SAMD12: variants seen among roughly 807,000 people sequenced by gnomAD.
SAMD12 encodes the protein sterile alpha motif domain-containing protein 12.
SAMD12 carries 9 observed loss-of-function variants against 15.0 expected under a neutral mutation model. The observed-to-expected ratio is 0.60, with a 90% confidence interval of 0.36 to 1.05. The LOEUF (loss-of-function observed/expected upper bound fraction) is 1.05. Ranked by LOEUF, SAMD12 falls within the 50% of genes least tolerant of loss-of-function variation. SAMD12 has a pLI of 0.01. For synonymous variants in SAMD12, 86 were observed against 90.1 expected (o/e 0.96, Z 0.25); for missense variants, 230 against 234.2 (o/e 0.98, Z 0.12).
At chr8:118,546,935 T>C (rs1482423535) in intron 2 of SAMD12, among the ~76,000 whole-genome samples, 3 of 152,142 alleles carry the variant, frequency 2.0e-5, no homozygotes, top group Non-Finnish European at 4.4e-5. Flanking sequence ...GATACAAAGA[T>C]TTCCCTCATC....
chr8:118,362,311 T>C (rs552687958), intron 4 of SAMD12, among the ~76,000 whole-genome samples: 34 of 152,310 alleles, frequency 2.2e-4, no homozygotes, highest in Non-Finnish European at 4.4e-4. Flanking sequence ...ATCCAAGTGT[T>C]AGGAGAGAAT....
intron 2 of SAMD12, among the ~76,000 whole-genome samples, chr8:118,494,137 C>T (rs1824531514): frequency 6.6e-6 from 1 of 152,086 alleles, no homozygotes; most frequent in Admixed American, 6.6e-5. Context: ...TCTGAAGATG[C>T]CATGTTGCTG....
chr8:118,568,721 A>C (rs1643551065), intron 2 of SAMD12, among the ~76,000 whole-genome samples: 1 of 152,222 alleles, frequency 6.6e-6, no homozygotes, highest in African/African-American at 2.4e-5. Context: ...TATTGACTTT[A>C]GTCAGTTATT....
intron 4 of SAMD12, among the ~76,000 whole-genome samples, chr8:118,292,067 C>T (rs1280345543): frequency 1.3e-5 from 2 of 151,306 alleles, no homozygotes; most frequent in African/African-American, 2.4e-5. Context: ...TGGCTGCATG[C>T]TAGAATCAGG....
Position 118,296,584 on chromosome 8 carries a change from G to C in SAMD12, c.433+82976C>G, listed in dbSNP as rs150102368. 2.4e-3 allele frequency among the ~76,000 whole-genome samples: 358 copies of C among 152,338 alleles called. 1 individual carries two copies. Among genetic ancestry groups the C allele is most frequent in the African/African-American group, 8.1e-3 (338 of 41,570 alleles). ...TCACATATCTCCAGCACTTGGTGAA[G>C]TGCAAGGCACATAGTAGGTACCCAG... On this transcript the variant is annotated intron_variant, in intron 4 of 4. Coordinates refer to the SAMD12 transcript ENST00000409003.
chr8:118,200,994 TG>T lies in SAMD12; in HGVS notation c.434-3263del, dbSNP rs1357122777. Among the ~76,000 whole-genome samples, 6 of 152,288 alleles carry T rather than the reference TG, an allele frequency of 3.9e-5. No homozygotes were observed. In the East Asian group the frequency reaches 1.2e-3, roughly 29 times the overall value. On this transcript the variant is annotated intron_variant, in intron 4 of 4. Coordinates refer to the SAMD12 transcript ENST00000409003. ...ACCACTACACCCAGCTACACACACCTGGACCCTTGAACCTTAATCTTTCTAT... is the reference window on the plus strand; with the variant it reads ...ACCACTACACCCAGCTACACACACCTGACCCTTGAACCTTAATCTTTCTAT...
the SAMD12 span, among the ~76,000 whole-genome samples, chr8:118,163,904 AAAACAAAAC>A: frequency 6.7e-6 from 1 of 149,222 alleles, no homozygotes; most frequent in African/African-American, 2.5e-5. Flanking sequence ...AAAACAAAAC[AAAACAAAAC>A]AAAAAAACAA....
intron 4 of SAMD12, among the ~76,000 whole-genome samples, chr8:118,360,069 A>T (rs1818413444): frequency 6.6e-6 from 1 of 152,180 alleles, no homozygotes; most frequent in African/African-American, 2.4e-5. Context: ...TCAGGAGATC[A>T]CTTTTTGCTC....
At chr8:118,317,839 A>G (rs2130431939) in intron 4 of SAMD12, among the ~76,000 whole-genome samples, 1 of 152,322 alleles carries the variant, frequency 6.6e-6, no homozygotes, top group East Asian at 1.9e-4. Flanking sequence ...AGTTGCTTGC[A>G]TTAAATCAGT....
intron 2 of SAMD12, among the ~76,000 whole-genome samples, chr8:118,486,855 C>T (rs1824303922): frequency 1.3e-5 from 2 of 152,200 alleles, no homozygotes; most frequent in African/African-American, 4.8e-5. Flanking sequence ...AAGAGCAAGG[C>T]TCTGAGAGAG....
chr8:118,220,351 A>G (rs1812056818), intron 4 of SAMD12, among the ~76,000 whole-genome samples: 1 of 152,228 alleles, frequency 6.6e-6, no homozygotes, highest in Non-Finnish European at 1.5e-5. Context: ...GACATAAATA[A>G]TCTGGCCATG....
intron 4 of SAMD12, among the ~76,000 whole-genome samples, chr8:118,336,191 C>G (rs10505333): frequency 0.11 from 16,599 of 152,164 alleles, 1,049 homozygotes; most frequent in Non-Finnish European, 0.12. Context: ...CTGACTAACT[C>G]TAAAACAATA....
At chr8:118,438,676 T>C (rs764438502) in intron 3 of SAMD12, among the ~76,000 whole-genome samples, 1 of 152,140 alleles carries the variant, frequency 6.6e-6, no homozygotes, top group Non-Finnish European at 1.5e-5. Context: ...AAAGAAATAC[T>C]TTCTGCTTAA....
At chr8:118,266,154 G>T (rs962059572) in intron 4 of SAMD12, among the ~76,000 whole-genome samples, 2 of 152,128 alleles carry the variant, frequency 1.3e-5, no homozygotes, top group Non-Finnish European at 2.9e-5. Context: ...CAGATCTTGT[G>T]AGAACTCACT....
intron 3 of SAMD12, among the ~76,000 whole-genome samples, chr8:118,414,411 G>C (rs1413664998): frequency 6.6e-6 from 1 of 151,914 alleles, no homozygotes; most frequent in East Asian, 1.9e-4. Flanking sequence ...AGGAGAAATA[G>C]GAAATAATCT....
chr8:118,464,689 C>T (rs1176789886), intron 2 of SAMD12, among the ~76,000 whole-genome samples: 1 of 152,004 alleles, frequency 6.6e-6, no homozygotes, highest in Non-Finnish European at 1.5e-5. Context: ...CTGTTACAGG[C>T]TCCTAGTGGG....
intron 4 of SAMD12, among the ~76,000 whole-genome samples, chr8:118,308,504 C>A (rs1418511138): frequency 2.0e-5 from 3 of 152,170 alleles, no homozygotes; most frequent in Non-Finnish European, 2.9e-5. Context: ...TTGACCCCAG[C>A]AGAACCGGTA....
At chr8:118,541,674 T>C (rs184364341) in intron 2 of SAMD12, among the ~76,000 whole-genome samples, 351 of 152,348 alleles carry the variant, frequency 2.3e-3, no homozygotes, top group South Asian at 0.011. Flanking sequence ...AATTAGATTG[T>C]AAATTCCTTA....
chr8:118,180,415 C>G, the SAMD12 span, among the ~76,000 whole-genome samples: 2 of 152,200 alleles, frequency 1.3e-5, no homozygotes, highest in African/African-American at 4.8e-5. Context: ...CCCTTCCCTT[C>G]TATCTCATTC....
Sources: allele counts gnomAD v4.1 joint callset (sites outside exome capture counted in the v4.1 genomes callset), GRCh38; gene constraint gnomAD v4.1.1; transcripts MANE v1.5; gene names NCBI Gene and HGNC (gene_info 2026-07-23, HGNC 2026-07-21).